Variants in TCF12 observed in about 807,000 individuals in gnomAD.
TCF12 encodes the protein DNA-binding protein HTF4.
A neutral mutation model predicts 86.0 loss-of-function variants in TCF12; 45 were observed. That is an observed-to-expected ratio of 0.52 (90% CI 0.41 to 0.67). The LOEUF (loss-of-function observed/expected upper bound fraction) is 0.67. TCF12 is among the 30% of genes least tolerant of loss of function. The pLI, the probability that TCF12 is intolerant of heterozygous loss-of-function variation, is 0.00. For synonymous variants in TCF12, 330 were observed against 299.6 expected, an observed-to-expected ratio of 1.10 and a Z score of -1.05; for missense variants, 881 against 859.9, an observed-to-expected ratio of 1.02 and a Z score of -0.31.
Position 57,192,259 on chromosome 15 carries a change from CAGG to C in TCF12, c.498_500del (p.Arg167del). ...ACTATTCATTCTCTGCTACAAGTTC[CAGG>C]AGGAGACCACTCCATGACTCTGCAG... On this transcript the variant is annotated inframe_deletion, in exon 7 of 21. Coordinates refer to ENST00000333725, the MANE Select transcript of TCF12 (RefSeq NM_207037.2). 6.2e-7 allele frequency: 1 copy of C among 1,614,140 alleles called. No homozygotes were observed. The highest frequency in any genetic ancestry group is 8.5e-7 in the Non-Finnish European group (1 of 1,180,006).
chr15:57,020,706 A>G (rs1196346174), intron 3 of TCF12, among the ~76,000 whole-genome samples: 1 of 152,156 alleles, frequency 6.6e-6, no homozygotes, highest in African/African-American at 2.4e-5. Context: ...TTATTTTTTT[A>G]TATGGGCAGT....
intron 5 of TCF12, among the ~76,000 whole-genome samples, chr15:57,127,415 T>C (rs1482550327): frequency 6.6e-6 from 1 of 152,240 alleles, no homozygotes; most frequent in Non-Finnish European, 1.5e-5. Context: ...TAATAGTTTT[T>C]GGTCATTCAT....
chr15:56,944,524 A>AT (rs1180575637), intron 3 of TCF12, among the ~76,000 whole-genome samples: 2 of 152,162 alleles, frequency 1.3e-5, no homozygotes, highest in African/African-American at 2.4e-5. Flanking sequence ...GTATATACAT[A>AT]TTTTTTGCAT....
In TCF12 at chr15:57,232,768, G is replaced by A. The variant is rs1431964482; in HGVS notation, c.882G>A (p.Met294Ile). The change falls in exon 11 of 21, where the codon ATG (methionine) becomes ATA (isoleucine). Residue 294 changes from methionine (M) to isoleucine (I), a missense_variant. By Grantham distance (10) the Met-to-Ile change is conservative (BLOSUM62 1). Transcript: ENST00000333725. ...ACATAAACACGAGTCTTCCACCAATGTCCAGCTTTCATCGCGGCAGTACCA... is the reference window on the plus strand; with the variant it reads ...ACATAAACACGAGTCTTCCACCAATATCCAGCTTTCATCGCGGCAGTACCA... Reference protein sequence around the residue: ...PTDINTSLPPMSSFHRGSTSS... With the variant: ...PTDINTSLPPISSFHRGSTSS... 6.2e-7 allele frequency: 1 copy of A among 1,612,150 alleles called. No individual in the cohort carries two copies. The highest frequency in any genetic ancestry group is 1.1e-5 in the South Asian group (1 of 90,988).
rs751140473 is a variant in TCF12 at position 57,192,200 on chromosome 15, C to CA, written c.434dup (p.Leu146AlafsTer26). ...AGATCTGGGGCTTGGGAGCCCAGCACAGCTATCTTCTTCAGGAAAACCTGG... is the reference window on the plus strand; with the variant it reads ...AGATCTGGGGCTTGGGAGCCCAGCACAAGCTATCTTCTTCAGGAAAACCTGG... On this transcript the variant is annotated frameshift_variant, in exon 7 of 21. Coordinates refer to ENST00000333725, the MANE Select transcript of TCF12 (RefSeq NM_207037.2). LOFTEE classifies it high-confidence loss of function. 6.2e-7 allele frequency: 1 copy of CA among 1,614,084 alleles called. No individual in the cohort carries two copies. Among genetic ancestry groups the CA allele is most frequent in the African/African-American group, 1.3e-5 (1 of 75,028 alleles).
chr15:57,043,868 A>G (rs2067054539), intron 3 of TCF12, among the ~76,000 whole-genome samples: 2 of 152,166 alleles, frequency 1.3e-5, no homozygotes, highest in African/African-American at 4.8e-5. Context: ...AACTTTGCAA[A>G]TGAAATTATT....
chr15:57,079,752 T>C (rs1479001164), intron 4 of TCF12, among the ~76,000 whole-genome samples: 4 of 152,204 alleles, frequency 2.6e-5, no homozygotes, highest in Non-Finnish European at 5.9e-5. Flanking sequence ...CTGACAACCA[T>C]GCAGAAATAA....
chr15:57,030,882 TAGAC>T (rs1190120441), intron 3 of TCF12, among the ~76,000 whole-genome samples: 1 of 152,224 alleles, frequency 6.6e-6, no homozygotes, highest in African/African-American at 2.4e-5. Flanking sequence ...AGTGGGATTT[TAGAC>T]AGTGTAACTG....
At chr15:57,166,580 T>C in intron 6 of TCF12, 114 bp downstream of exon 6, 1 of 941,118 alleles carries the variant, frequency 1.1e-6, no homozygotes, top group Non-Finnish European at 1.5e-6. Context: ...TTTGTTTAAT[T>C]TGTAACTAAG....
At chr15:57,269,496 T>C (rs769757640) in intron 18 of TCF12, among the ~76,000 whole-genome samples, 8 of 151,168 alleles carry the variant, frequency 5.3e-5, no homozygotes, top group Non-Finnish European at 1.0e-4. Context: ...CTGATGGGTC[T>C]TCACTCTTTA....
intron 3 of TCF12, among the ~76,000 whole-genome samples, chr15:57,000,306 G>A (rs2063949215): frequency 1.3e-5 from 2 of 149,176 alleles, no homozygotes; most frequent in South Asian, 4.3e-4. Flanking sequence ...TCCCAAAGTG[G>A]TGGGATTACA....
At chr15:57,075,835 T>TCTTTTC (rs778545170) in intron 4 of TCF12, among the ~76,000 whole-genome samples, 42 of 49,992 alleles carry the variant, frequency 8.4e-4, no homozygotes, top group South Asian at 8.6e-4. Flanking sequence ...TCTCTCTCTC[T>TCTTTTC]TTTCTTTCTT....
At position 57,009,243 on chromosome 15, in the gene TCF12, G is replaced by T. The variant is rs535484698; in HGVS notation, c.149-54507G>T. On this transcript the variant is annotated intron_variant, in intron 3 of 20. Coordinates refer to ENST00000333725, the MANE Select transcript of TCF12 (RefSeq NM_207037.2). ...CCCACCTCAGCCTCCCAAGTAGCTG[G>T]GAGGACTACAGGCGCACTTCATCAA... is the stretch of plus-strand genomic sequence containing the variant. Among the ~76,000 whole-genome samples, 6 of 152,154 alleles carry T rather than the reference G, an allele frequency of 3.9e-5. No individual in the cohort carries two copies. In the East Asian group the frequency reaches 1.2e-3, roughly 29 times the overall value.
chr15:57,184,961 A>G (rs2056579943), intron 6 of TCF12, among the ~76,000 whole-genome samples: 1 of 152,164 alleles, frequency 6.6e-6, no homozygotes, highest in Non-Finnish European at 1.5e-5. Flanking sequence ...TCTGGAGGTT[A>G]TTATTTTAAT....
intron 5 of TCF12, among the ~76,000 whole-genome samples, chr15:57,159,636 G>C (rs950454434): frequency 2.6e-5 from 4 of 152,180 alleles, no homozygotes; most frequent in Admixed American, 6.5e-5. Flanking sequence ...ACATAGTAAT[G>C]TTGATCTCAT....
chr15:57,164,422 G>A (rs776806321), intron 5 of TCF12, among the ~76,000 whole-genome samples: 4 of 152,122 alleles, frequency 2.6e-5, no homozygotes, highest in Non-Finnish European at 4.4e-5. Flanking sequence ...AAGCAAAAGT[G>A]TCCTCCTTCA....
chr15:57,283,562 G>A (rs2061793596), intron 20 of TCF12, among the ~76,000 whole-genome samples: 1 of 152,224 alleles, frequency 6.6e-6, no homozygotes, highest in Non-Finnish European at 1.5e-5. Context: ...ACCTCGCCCA[G>A]CTGGTAACTT....
At chr15:57,021,432 C>T (rs548921479) in intron 3 of TCF12, among the ~76,000 whole-genome samples, 37 of 152,304 alleles carry the variant, frequency 2.4e-4, no homozygotes, top group Admixed American at 2.0e-3. Flanking sequence ...GAGGGCGGAT[C>T]ACAAGGTCAG....
At chr15:56,919,292 G>A (rs1173159498) in intron 1 of TCF12, 4 of 152,492 alleles carry the variant, frequency 2.6e-5, no homozygotes, top group African/African-American at 9.7e-5. Context: ...CCGGCCGAGA[G>A]CGAGACTAGT....
Sources: allele counts gnomAD v4.1 joint callset (sites outside exome capture counted in the v4.1 genomes callset), GRCh38; gene constraint gnomAD v4.1.1; transcripts MANE v1.5; gene names NCBI Gene and HGNC (gene_info 2026-07-23, HGNC 2026-07-21).